FLG: variants seen among roughly 807,000 people sequenced by gnomAD.
FLG encodes filaggrin.
A neutral mutation model predicts 3.8 loss-of-function variants in FLG; 6 were observed. The ratio of observed to expected loss-of-function variants is 1.60; its 90% CI spans 0.87 to 3.15. FLG has a LOEUF of 3.15. FLG is among the 30% of genes most tolerant of loss of function. FLG has a pLI of 0.00. For missense variants in FLG, 7,595 were observed against 5,050.9 expected, an observed-to-expected ratio of 1.50 and a Z score of -15.27; for synonymous variants, 2,551 against 1,931.6, an observed-to-expected ratio of 1.32 and a Z score of -8.41.
At position 152,305,276 on chromosome 1, in the gene FLG, C is replaced by A. The variant is rs71625194; in HGVS notation, c.9610G>T (p.Gly3204Trp). The change falls in exon 3 of 3, where the codon GGG (glycine) becomes TGG (tryptophan). Residue 3204 changes from glycine (G) to tryptophan (W), a missense_variant. Transcript: ENST00000368799. ...CCCTGGCGCCTGCTTCTCCTGGACC[C>A]CTCTGATTGTCCCTGGACTGCCTGT... The part of the protein sequence containing the change: ...HSQAVQGQSE[G>W]SRRSRRQGSS... The A allele has an allele frequency of 5.0e-6, 8 of 1,611,994 alleles. No homozygotes were observed. In the Admixed American group the frequency reaches 1.3e-4, roughly 27 times the overall value.
In FLG at chr1:152,312,928, G is replaced by C. The variant is rs780440025; in HGVS notation, c.1958C>G (p.Ser653Ter). 3.7e-6 allele frequency: 6 copies of C among 1,613,918 alleles called. No individual in the cohort carries two copies. Among genetic ancestry groups the C allele is most frequent in the Middle Eastern group, 1.6e-4 (1 of 6,084 alleles). Reference sequence around the variant, plus strand: ...CCTGGGGTGTCTGGAGCCATCTCTTGACTGCTCCTGAGCAGATCCATGATG... The same window carrying C: ...CCTGGGGTGTCTGGAGCCATCTCTTCACTGCTCCTGAGCAGATCCATGATG... ...RNHHGSAQEQSRDGSRHPRSH... is the reference protein window; with the variant it reads ...RNHHGSAQEQ The change falls in exon 3 of 3, where the codon TCA becomes TGA. Residue 653 changes from serine to a stop codon, truncating the protein, a stop_gained. Transcript: ENST00000368799. LOFTEE classifies it low-confidence loss of function (END_TRUNC).
chr1:152,309,235 C>G lies in FLG; in HGVS notation c.5651G>C (p.Arg1884Pro), dbSNP rs149499035. 2.5e-6 allele frequency: 4 copies of G among 1,613,208 alleles called. No individual in the cohort carries two copies. The highest frequency in any genetic ancestry group is 1.7e-5 in the Admixed American group (1 of 59,900). ...SGDGSRHSGS[R>P]HHEASSRADS... is the part of the protein sequence containing the mutation. The stretch of plus-strand genomic sequence containing the variant: ...GGCCCGAGAGGAAGCTTCATGGTGA[C>G]GCGACCCTGAGTGCCTGGAGCCGTC... The change falls in exon 3 of 3, where the codon CGT (arginine) becomes CCT (proline). Residue 1884 changes from arginine to proline, a missense_variant. By Grantham distance (103) the Arg-to-Pro change is moderately radical (BLOSUM62 -2). Transcript: ENST00000368799.
At chr1:152,318,911 G>A (rs1425999972) in intron 1 of FLG, among the ~76,000 whole-genome samples, 1 of 151,774 alleles carries the variant, frequency 6.6e-6, no homozygotes, top group Admixed American at 6.6e-5. Flanking sequence ...ATATTTGGGG[G>A]TACTTTAAGG....
rs146408041 is a variant in FLG at position 152,313,629 on chromosome 1, A to C, written c.1257T>G (p.Gly419=). ...VSDRGHRGSS[G]SQASDSEGHS... is the part of the protein sequence containing the mutation. ...GTCCCTCACTGTCACTGGCCTGACT[A>C]CCGCTAGACCCCCGGTGTCCACGAT... Residue 419 remains glycine, a synonymous_variant, in exon 3 of 3, where the codon GGT becomes GGG. Transcript: ENST00000368799. 1 of 1,613,382 alleles carries C rather than the reference A, an allele frequency of 6.2e-7. No individual in the cohort carries two copies. Among genetic ancestry groups the C allele is most frequent in the Admixed American group, 1.7e-5 (1 of 59,964 alleles).
Position 152,324,291 on chromosome 1 carries a change from T to C in FLG, c.-22+898A>G, listed in dbSNP as rs565472059. Among the ~76,000 whole-genome samples, 3 of 152,034 alleles carry C rather than the reference T, an allele frequency of 2.0e-5. No homozygotes were observed. In the South Asian group the frequency reaches 6.2e-4, roughly 32 times the overall value. ...ACCCCTTTAAGTACATGCTAAAATC[T>C]AACATGTACTGTTTTAATTCTACTG... On this transcript the variant is annotated intron_variant, in intron 1 of 2. Coordinates refer to ENST00000368799, the MANE Select transcript of FLG (RefSeq NM_002016.2).
rs754056247 is a variant in FLG at position 152,313,847 on chromosome 1, C to T, written c.1039G>A (p.Gly347Arg). The T allele has an allele frequency of 2.5e-6, 4 of 1,614,034 alleles. No homozygotes were observed. Among genetic ancestry groups the T allele is most frequent in the East Asian group, 2.2e-5 (1 of 44,882 alleles). Residue 347 changes from glycine to arginine, a missense_variant, in exon 3 of 3, where the codon GGG becomes AGG. By Grantham distance (125) the Gly-to-Arg change is moderately radical. Coordinates refer to ENST00000368799, the MANE Select transcript of FLG (RefSeq NM_002016.2). ...RSHDEDRASH[G>R]HSADSSRQSG... is the part of the protein sequence containing the mutation. ...TGTCTGGAGCTGTCTGCAGAGTGCCCATGACTGGCTCTGTCTTCATCATGG... is the reference window on the plus strand; with the variant it reads ...TGTCTGGAGCTGTCTGCAGAGTGCCTATGACTGGCTCTGTCTTCATCATGG...
Position 152,307,300 on chromosome 1 carries a change from T to G in FLG, c.7586A>C (p.His2529Pro). 1 of 1,613,488 alleles carries G rather than the reference T, an allele frequency of 6.2e-7. No homozygotes were observed. Among genetic ancestry groups the G allele is most frequent in the Non-Finnish European group, 8.5e-7 (1 of 1,179,932 alleles). The change falls in exon 3 of 3, where the codon CAC becomes CCC. Residue 2529 changes from histidine (H) to proline (P), a missense_variant. Coordinates refer to ENST00000368799, the MANE Select transcript of FLG (RefSeq NM_002016.2). ...AGCTTCATGGTGACGCGACCCTGAG[T>G]GCCTGGAGCCGTCTCCTGATTGTTC... Reference protein sequence around the residue: ...NDEQSGDGSRHSGSRHHEASS... With the variant: ...NDEQSGDGSRPSGSRHHEASS...
rs776607390 is a variant in FLG, at chr1:152,303,060, T to G, written c.11826A>C (p.Ser3942=). Residue 3942 remains serine (S), a synonymous_variant, in exon 3 of 3, where the codon TCA becomes TCC. Coordinates refer to ENST00000368799, the MANE Select transcript of FLG (RefSeq NM_002016.2). ...SSLSQDSAYH[S]GIQSRGSPHS... ...GAGGACTGCCACGTGACTGTATTCC[T>G]GAGTGATACGCAGAATCTTGTGAAA... is the stretch of plus-strand genomic sequence containing the variant. The G allele has an allele frequency of 2.5e-6, 4 of 1,614,202 alleles. No homozygotes were observed. The South Asian group carries it at 3.3e-5, about 13-fold the overall frequency.
Position 152,310,067 on chromosome 1 carries a change from A to C in FLG, c.4819T>G (p.Ser1607Ala), listed in dbSNP as rs1652285051. The C allele has an allele frequency of 5.6e-6, 9 of 1,613,852 alleles. No homozygotes were observed. Among genetic ancestry groups the C allele is most frequent in the Non-Finnish European group, 7.6e-6 (9 of 1,179,984 alleles). ...GAAGCCGACTCAGACCGCCTCTCAG[A>C]GTCTTCTGAGTGTCCCTCACTGTCC... ...DRDSEGHSEDSERRSESASRN... is the reference protein window; with the variant it reads ...DRDSEGHSEDAERRSESASRN... The change falls in exon 3 of 3, where the codon TCT becomes GCT. Residue 1607 changes from serine to alanine, a missense_variant. Physicochemically the swap from Ser to Ala is moderately conservative, Grantham distance 99 (BLOSUM62 1). Coordinates refer to ENST00000368799, the MANE Select transcript of FLG (RefSeq NM_002016.2).
Position 152,308,646 on chromosome 1 carries a change from T to C in FLG, c.6240A>G (p.Ser2080=), listed in dbSNP as rs762461321. 9 of 1,614,056 alleles carry C rather than the reference T, an allele frequency of 5.6e-6. No homozygotes were observed. In the East Asian group the frequency reaches 2.0e-4, roughly 36 times the overall value. ...QSHKESARGQ[S]GESSGRSGSF... is the part of the protein sequence containing the mutation. ...ACCCTGAACGTCCAGAGCTTTCCCC[T>C]GACTGGCCACGTGCGGACTCTTTGT... The change falls in exon 3 of 3, where the codon TCA becomes TCG. Residue 2080 remains serine, a synonymous_variant. Transcript: ENST00000368799.
chr1:152,312,812 G>A lies in FLG; in HGVS notation c.2074C>T (p.Gln692Ter). The part of the protein sequence containing the change: ...TRHTQNSSSG[Q>*]AASSHEQARS... ...GCCTGTTCATGGGATGACGCAGCCT[G>A]TCCACTAGAGGAATTCTGTGTGTGA... is the stretch of plus-strand genomic sequence containing the variant. The change falls in exon 3 of 3, where the codon CAG becomes TAG. Residue 692 changes from glutamine to a stop codon, truncating the protein, a stop_gained. Coordinates refer to ENST00000368799, the MANE Select transcript of FLG (RefSeq NM_002016.2). LOFTEE classifies it low-confidence loss of function (END_TRUNC). The A allele has an allele frequency of 1.2e-6, 2 of 1,614,064 alleles. No individual in the cohort carries two copies. The highest frequency in any genetic ancestry group is 1.1e-5 in the South Asian group (1 of 91,074).
chr1:152,309,475 G>A lies in FLG; in HGVS notation c.5411C>T (p.Ser1804Leu), dbSNP rs370091685. ...HEQARDSSRHSASQEGQDTIR... is the reference protein window; with the variant it reads ...HEQARDSSRHLASQEGQDTIR... The stretch of plus-strand genomic sequence containing the variant: ...GGTGTCCTGACCCTCTTGGGACGCT[G>A]AGTGCCTGGAGCTGTCTCGTGCCTG... Residue 1804 changes from serine (S) to leucine (L), a missense_variant, in exon 3 of 3, where the codon TCA (serine) becomes TTA (leucine). Coordinates refer to ENST00000368799, the MANE Select transcript of FLG (RefSeq NM_002016.2). 6.2e-7 allele frequency: 1 copy of A among 1,613,826 alleles called. No homozygotes were observed. Among genetic ancestry groups the A allele is most frequent in the Non-Finnish European group, 8.5e-7 (1 of 1,179,964 alleles).
In FLG at chr1:152,313,263, G is replaced by A; in HGVS notation, c.1623C>T (p.His541=). Residue 541 remains histidine, a synonymous_variant, in exon 3 of 3, where the codon CAC becomes CAT. Coordinates refer to ENST00000368799, the MANE Select transcript of FLG (RefSeq NM_002016.2). ...HHEQSVNRSG[H]SGSHHSHTTS... ...TGGTGTGGCTGTGATGGGAACCTGA[G>A]TGTCCAGACCTATTTACCGATTGCT... 2 of 1,613,902 alleles carry A rather than the reference G, an allele frequency of 1.2e-6. No homozygotes were observed. Among genetic ancestry groups the A allele is most frequent in the Non-Finnish European group, 1.7e-6 (2 of 1,179,998 alleles).
At chr1:152,320,394 TA>T (rs1291747736) in intron 1 of FLG, among the ~76,000 whole-genome samples, 1 of 150,930 alleles carries the variant, frequency 6.6e-6, no homozygotes, top group Non-Finnish European at 1.5e-5. Flanking sequence ...AAAATGTGAT[TA>T]AAATGATTGT....
In FLG at chr1:152,302,892, A is replaced by G. The variant is rs779272279; in HGVS notation, c.11994T>C (p.Ser3998=). 6.2e-7 allele frequency: 1 copy of G among 1,614,196 alleles called. No homozygotes were observed. Among genetic ancestry groups the G allele is most frequent in the Non-Finnish European group, 8.5e-7 (1 of 1,180,044 alleles). The change falls in exon 3 of 3, where the codon AGT becomes AGC. Residue 3998 remains serine, a synonymous_variant. Coordinates refer to ENST00000368799, the MANE Select transcript of FLG (RefSeq NM_002016.2). ...CAACAGGATTGGAATTGTAACTAAC[A>G]CTTCCGTGCTGAGAGTGTCTAAACC... ...ESGFRHSQHG[S]VSYNSNPVVF...
rs140303038 is a variant in FLG at position 152,312,540 on chromosome 1, C to T, written c.2346G>A (p.Arg782=). The change falls in exon 3 of 3, where the codon CGG becomes CGA. Residue 782 remains arginine, a synonymous_variant. Coordinates refer to ENST00000368799, the MANE Select transcript of FLG (RefSeq NM_002016.2). ...QQSHQESARD[R]SGERSRRSGS... The stretch of plus-strand genomic sequence containing the variant: ...CTGAACGTCGAGACCTTTCCCCTGA[C>T]CGGTCACGTGCGGACTCTTGGTGGC... 160 of 1,613,692 alleles carry T rather than the reference C, an allele frequency of 9.9e-5. No homozygotes were observed. The highest frequency in any genetic ancestry group is 3.3e-4 in the Middle Eastern group (2 of 6,060).
chr1:152,310,760 T>C lies in FLG; in HGVS notation c.4126A>G (p.Arg1376Gly), dbSNP rs11581433. ...DSSRHSGIGH[R>G]QASSAVRDSG... Reference sequence around the variant, plus strand: ...TCTCTGACTGCAGATGAAGCTTGTCTGTGCCCAATGCCTGAGTGTCTGGAG... The same window carrying C: ...TCTCTGACTGCAGATGAAGCTTGTCCGTGCCCAATGCCTGAGTGTCTGGAG... Residue 1376 changes from arginine (R) to glycine (G), a missense_variant, in exon 3 of 3, where the codon AGA becomes GGA. Transcript: ENST00000368799. 324,228 of 1,613,648 alleles carry C rather than the reference T, an allele frequency of 0.2. 42,590 individuals are homozygous for C. Among genetic ancestry groups the C allele is most frequent in the East Asian group, 0.6 (27,099 of 44,808 alleles).
Position 152,307,350 on chromosome 1 carries a change from A to T in FLG, c.7536T>A (p.Ser2512Arg). The T allele has an allele frequency of 6.8e-6, 11 of 1,612,742 alleles. No individual in the cohort carries two copies. Among genetic ancestry groups the T allele is most frequent in the Non-Finnish European group, 9.3e-6 (11 of 1,179,608 alleles). Residue 2512 changes from serine to arginine, a missense_variant, in exon 3 of 3, where the codon AGT (serine) becomes AGA (arginine). Physicochemically the swap from Ser to Arg is moderately radical, Grantham distance 110. Transcript: ENST00000368799. ...CATCGTTACGAGTTTGTCTGCTTGCACTTCTGGATCCTGAGTGCCCATGGG... is the reference window on the plus strand; with the variant it reads ...CATCGTTACGAGTTTGTCTGCTTGCTCTTCTGGATCCTGAGTGCCCATGGG... ...DASHGHSGSR[S>R]ASRQTRNDEQ... is the part of the protein sequence containing the mutation.
chr1:152,312,356 G>A lies in FLG; in HGVS notation c.2530C>T (p.His844Tyr), dbSNP rs1652506442. 1 of 1,611,862 alleles carries A rather than the reference G, an allele frequency of 6.2e-7. No individual in the cohort carries two copies. Reference sequence around the variant, plus strand: ...CTTCCTCTTCTGCTTGACCCCGGGTGTCCACGAATGGTGTCCTGACCATCT... The same window carrying A: ...CTTCCTCTTCTGCTTGACCCCGGGTATCCACGAATGGTGTCCTGACCATCT... Reference protein sequence around the residue: ...SQDGQDTIRGHPGSSRRGRQG... With the variant: ...SQDGQDTIRGYPGSSRRGRQG... The change falls in exon 3 of 3, where the codon CAC (histidine) becomes TAC (tyrosine). Residue 844 changes from histidine to tyrosine, a missense_variant. His to Tyr is a moderately conservative substitution (Grantham distance 83). Coordinates refer to ENST00000368799, the MANE Select transcript of FLG (RefSeq NM_002016.2).
Sources: allele counts gnomAD v4.1 joint callset (sites outside exome capture counted in the v4.1 genomes callset), GRCh38; gene constraint gnomAD v4.1.1; transcripts MANE v1.5; gene names NCBI Gene and HGNC (gene_info 2026-07-23, HGNC 2026-07-21).